ATIC: variants seen among roughly 807,000 people sequenced by gnomAD.
ATIC encodes the protein bifunctional purine biosynthesis protein ATIC.
A neutral mutation model predicts 72.5 loss-of-function variants in ATIC; 64 were observed. The ratio of observed to expected loss-of-function variants is 0.88; its 90% CI spans 0.72 to 1.09. The LOEUF (loss-of-function observed/expected upper bound fraction) is 1.09. Ranked by LOEUF, ATIC falls within the 50% of genes least tolerant of loss-of-function variation. The pLI, the probability that ATIC is intolerant of heterozygous loss-of-function variation, is 0.00. For missense variants in ATIC, 787 were observed against 732.4 expected (o/e 1.07, Z -0.86); for synonymous variants, 281 against 267.1 (o/e 1.05, Z -0.51).
At chr2:215,347,039 T>TA in intron 14 of ATIC, 98 bp downstream of exon 14, 1 of 1,402,772 alleles carries the variant, frequency 7.1e-7, no homozygotes, top group Non-Finnish European at 1.0e-6. Flanking sequence ...GAGAAAAAGA[T>TA]ACTTTCATTG....
Position 215,338,729 on chromosome 2 carries a change from T to C in ATIC, c.1099-50T>C, listed in dbSNP as rs566498257. On this transcript the variant is annotated intron_variant, in intron 11 of 15. Coordinates refer to ENST00000236959, the MANE Select transcript of ATIC (RefSeq NM_004044.7). ...TTTTGTATATAAATTAAATGAAAAA[T>C]TTGAGGGAAGTGGAGAGATTAACTT... 2.3e-4 allele frequency: 361 copies of C among 1,579,536 alleles called. 4 individuals are homozygous for C. The South Asian group carries it at 3.7e-3, about 16-fold the overall frequency.
chr2:215,346,161 T>TATTC (rs2053068607), intron 13 of ATIC, among the ~76,000 whole-genome samples: 1 of 152,000 alleles, frequency 6.6e-6, no homozygotes, highest in South Asian at 2.1e-4. Flanking sequence ...TTTATTTATT[T>TATTC]ATTTATTTAT....
the ATIC span, among the ~76,000 whole-genome samples, chr2:215,364,171 CATT>C: frequency 1.3e-5 from 2 of 152,240 alleles, no homozygotes; most frequent in Admixed American, 6.5e-5. Flanking sequence ...TCAACTATAT[CATT>C]AAGAGCCAAG....
rs149347462 is a variant in ATIC, at chr2:215,330,841, G to A, written c.689-1541G>A. Among the ~76,000 whole-genome samples, 15 of 152,020 alleles carry A rather than the reference G, an allele frequency of 9.9e-5. No homozygotes were observed. In the East Asian group the frequency reaches 2.9e-3, roughly 29 times the overall value. On this transcript the variant is annotated intron_variant, in intron 7 of 15. Coordinates refer to ENST00000236959, the MANE Select transcript of ATIC (RefSeq NM_004044.7). ...TTACAGGCATGCACCACCATGCCCA[G>A]CTGTTTTTACTGACTCTGTACCCAT...
intron 11 of ATIC, among the ~76,000 whole-genome samples, chr2:215,337,210 C>G (rs539028599): frequency 6.6e-6 from 1 of 151,850 alleles, no homozygotes; most frequent in South Asian, 2.1e-4. Flanking sequence ...CCTAATGCTA[C>G]TTTTCATAGT....
chr2:215,365,302 CT>C, the ATIC span, among the ~76,000 whole-genome samples: 776 of 152,286 alleles, frequency 5.1e-3, 6 homozygotes, highest in African/African-American at 0.018. Context: ...TGGACAAGTG[CT>C]AAAGTGTCCT....
rs2053110862 is a variant in ATIC, at chr2:215,349,523, A to G, written c.1660-13A>G. On this transcript the variant is annotated splice_polypyrimidine_tract_variant and intron_variant, in intron 15 of 15. Coordinates refer to ENST00000236959, the MANE Select transcript of ATIC (RefSeq NM_004044.7). ...ATAAAATCGCGTTTTGAAAATCAAT[A>G]TACTTCCCCCAGAGTGGTGTGGCGT... The G allele has an allele frequency of 6.2e-7, 1 of 1,614,142 alleles. No homozygotes were observed. Among genetic ancestry groups the G allele is most frequent in the Admixed American group, 1.7e-5 (1 of 60,018 alleles).
At chr2:215,362,756 C>T in the ATIC span, 1 of 153,602 alleles carries the variant, frequency 6.5e-6, no homozygotes, top group Non-Finnish European at 1.4e-5. Flanking sequence ...AATGGGAGGA[C>T]ACACATGTTC....
chr2:215,325,106 C>A lies in ATIC; in HGVS notation c.291-135C>A, dbSNP rs979322376. Reference sequence around the variant, plus strand: ...CACACTCGTTAGAATTCTAAAATGTCAGGCTCACAGTTTATATATTAGTTC... The same window carrying A: ...CACACTCGTTAGAATTCTAAAATGTAAGGCTCACAGTTTATATATTAGTTC... On this transcript the variant is annotated intron_variant, in intron 4 of 15. Coordinates refer to ENST00000236959, the MANE Select transcript of ATIC (RefSeq NM_004044.7). 4.1e-4 allele frequency: 285 copies of A among 695,792 alleles called. 6 individuals are homozygous for A. The Admixed American group carries it at 6.3e-3, about 15-fold the overall frequency. The allele number at this position is 695,792 out of a possible 1,614,324, so 43.1% of individuals were successfully genotyped here. A position where few individuals can be genotyped will look rare whatever the true frequency, so the allele number is the denominator to read the frequency against.
intron 4 of ATIC, among the ~76,000 whole-genome samples, chr2:215,321,836 G>C (rs1005381116): frequency 6.6e-6 from 1 of 152,140 alleles, no homozygotes; most frequent in African/African-American, 2.4e-5. Flanking sequence ...TTATTATTGA[G>C]TTGTAAGTTT....
intron 7 of ATIC, 94 bp downstream of exon 7, chr2:215,327,072 A>G: frequency 6.3e-7 from 1 of 1,579,394 alleles, no homozygotes. Flanking sequence ...TCAGAAGATG[A>G]TACATTCCGT....
At chr2:215,351,986 A>T (rs538411482), downstream of ATIC, among the ~76,000 whole-genome samples, 1 of 152,176 alleles carries the variant, frequency 6.6e-6, no homozygotes, top group Non-Finnish European at 1.5e-5. Flanking sequence ...GATATAACCT[A>T]GCCGAAGGAC....
intron 12 of ATIC, among the ~76,000 whole-genome samples, chr2:215,343,701 T>G (rs1308258065): frequency 6.6e-6 from 1 of 152,232 alleles, no homozygotes; most frequent in Non-Finnish European, 1.5e-5. Context: ...ATGAGGTTTG[T>G]TAATAATTTT....
At chr2:215,340,593 C>T (rs1026755461) in intron 12 of ATIC, among the ~76,000 whole-genome samples, 9 of 152,124 alleles carry the variant, frequency 5.9e-5, no homozygotes, top group African/African-American at 1.4e-4. Flanking sequence ...GTTGACTTGT[C>T]CTTCTTTTGG....
intron 12 of ATIC, among the ~76,000 whole-genome samples, chr2:215,339,827 G>A (rs1445600143): frequency 6.6e-6 from 1 of 151,890 alleles, no homozygotes; most frequent in African/African-American, 2.4e-5. Flanking sequence ...TAGTAGAGAC[G>A]GTGTTTCACT....
intron 4 of ATIC, among the ~76,000 whole-genome samples, chr2:215,320,662 C>T (rs955885628): frequency 6.6e-6 from 1 of 152,178 alleles, no homozygotes; most frequent in Admixed American, 6.5e-5. Context: ...TCACTGCAAC[C>T]TCTGCCTCCT....
intron 9 of ATIC, 57 bp downstream of exon 9, chr2:215,333,514 T>G: frequency 2.2e-6 from 3 of 1,389,668 alleles, no homozygotes; most frequent in Non-Finnish European, 3.0e-6. Flanking sequence ...TATTTTATCC[T>G]AAATAGAATA....
At chr2:215,325,948 G>A in intron 5 of ATIC, 39 bp from the exon 6 acceptor site, 1 of 1,610,664 alleles carries the variant, frequency 6.2e-7, no homozygotes, top group South Asian at 1.1e-5. Flanking sequence ...TAAGCTGATA[G>A]GGACATACAA....
intron 1 of ATIC, 55 bp downstream of exon 1, chr2:215,312,216 T>C: frequency 6.8e-7 from 1 of 1,468,038 alleles, no homozygotes; most frequent in Non-Finnish European, 8.9e-7. Flanking sequence ...CCCCCCACGC[T>C]CCCGCCTTGG....
Sources: gnomAD v4.1 joint callset for allele counts (sites outside exome capture counted in the v4.1 genomes callset) on GRCh38, gnomAD v4.1.1 for gene constraint, MANE v1.5 for transcripts, NCBI Gene and HGNC (gene_info 2026-07-23, HGNC 2026-07-21) for gene names.